Variants in RGS6 observed in about 807,000 individuals in gnomAD.
RGS6 encodes the protein regulator of G protein signaling 6.
Under a neutral mutation model 78.5 loss-of-function variants are expected in RGS6, and 30 were observed. The ratio of observed to expected loss-of-function variants is 0.38; its 90% CI spans 0.29 to 0.52. RGS6 has a LOEUF of 0.52. RGS6 is among the 20% of genes least tolerant of loss of function. RGS6 has a pLI of 0.85. For missense variants in RGS6, 495 were observed against 609.7 expected (o/e 0.81, Z 1.98); for synonymous variants, 206 against 206.0 (o/e 1.00, Z 0.00).
intron 2 of RGS6, among the ~76,000 whole-genome samples, chr14:71,972,518 A>G (rs1446992140): frequency 6.6e-6 from 1 of 152,188 alleles, no homozygotes; most frequent in Non-Finnish European, 1.5e-5. Flanking sequence ...GTTTCTTGAT[A>G]AGGGAATTCT....
chr14:72,439,461 T>G (rs2095091859), intron 3 of RGS6, among the ~76,000 whole-genome samples: 1 of 152,246 alleles, frequency 6.6e-6, no homozygotes, highest in Admixed American at 6.5e-5. Flanking sequence ...TAGATCTCTT[T>G]GTAGATGCAA....
chr14:71,949,991 C>T (rs2092117128), intron 1 of RGS6, among the ~76,000 whole-genome samples: 1 of 152,222 alleles, frequency 6.6e-6, no homozygotes, highest in South Asian at 2.1e-4. Flanking sequence ...TGTGGTCTGT[C>T]TCTGTGTTTT....
At chr14:72,408,257 G>A (rs1211080790) in intron 3 of RGS6, among the ~76,000 whole-genome samples, 1 of 152,124 alleles carries the variant, frequency 6.6e-6, no homozygotes, top group East Asian at 1.9e-4. Context: ...ACAGACCCCT[G>A]GTGGTTCTCA....
intron 3 of RGS6, among the ~76,000 whole-genome samples, chr14:72,451,185 G>T (rs868542413): frequency 6.6e-6 from 1 of 152,206 alleles, no homozygotes; most frequent in African/African-American, 2.4e-5. Context: ...GCAGCCAGGG[G>T]CAGCCGCTCA....
chr14:72,186,418 T>G (rs1194028788), intron 2 of RGS6, among the ~76,000 whole-genome samples: 1 of 152,236 alleles, frequency 6.6e-6, no homozygotes, highest in East Asian at 1.9e-4. Context: ...TCTGAGGCTT[T>G]GATGTGTTTA....
intron 15 of RGS6, among the ~76,000 whole-genome samples, chr14:72,533,904 C>G (rs1330863182): frequency 6.6e-6 from 1 of 152,188 alleles, no homozygotes; most frequent in Non-Finnish European, 1.5e-5. Context: ...ATGTTGCAAA[C>G]ATTGTTGAGA....
At chr14:72,137,579 A>G (rs546589340) in intron 2 of RGS6, among the ~76,000 whole-genome samples, 8 of 152,366 alleles carry the variant, frequency 5.3e-5, no homozygotes, top group Non-Finnish European at 8.8e-5. Context: ...TTAATTTGCT[A>G]GAGTGGCTCA....
intron 16 of RGS6, among the ~76,000 whole-genome samples, chr14:72,537,172 C>T (rs928042529): frequency 1.3e-5 from 2 of 152,184 alleles, no homozygotes; most frequent in African/African-American, 4.8e-5. Flanking sequence ...AACCCTATGA[C>T]TTCTGTGCCA....
At chr14:72,122,114 G>A (rs1171194097) in intron 2 of RGS6, among the ~76,000 whole-genome samples, 1 of 152,138 alleles carries the variant, frequency 6.6e-6, no homozygotes, top group Non-Finnish European at 1.5e-5. Flanking sequence ...GAAGATAATA[G>A]ATCAACCACA....
At chr14:72,608,013 C>T in the RGS6 span, among the ~76,000 whole-genome samples, 1 of 152,230 alleles carries the variant, frequency 6.6e-6, no homozygotes. Flanking sequence ...CACTGCCATG[C>T]CCACCTGTGT....
the RGS6 span, among the ~76,000 whole-genome samples, chr14:72,607,586 C>T: frequency 6.6e-6 from 1 of 152,176 alleles, no homozygotes; most frequent in Non-Finnish European, 1.5e-5. Context: ...GATGCAATGC[C>T]GGGTTCCCTG....
At chr14:72,490,137 A>C (rs2096558601) in intron 12 of RGS6, among the ~76,000 whole-genome samples, 1 of 152,046 alleles carries the variant, frequency 6.6e-6, no homozygotes, top group Admixed American at 6.5e-5. Context: ...TGTGAGAGGG[A>C]CCCAGTGAGA....
intron 2 of RGS6, among the ~76,000 whole-genome samples, chr14:72,273,751 A>G (rs1316289907): frequency 6.6e-6 from 1 of 152,184 alleles, no homozygotes; most frequent in Admixed American, 6.5e-5. Context: ...CTCAAGAAAG[A>G]TCTTTGGGTG....
chr14:72,327,860 C>T (rs1198448522), intron 2 of RGS6, among the ~76,000 whole-genome samples: 1 of 151,938 alleles, frequency 6.6e-6, no homozygotes, highest in Non-Finnish European at 1.5e-5. Flanking sequence ...ATTAGGTTCT[C>T]CAGAGAAACA....
At chr14:71,923,376 G>A in the RGS6 span, among the ~76,000 whole-genome samples, 1 of 152,266 alleles carries the variant, frequency 6.6e-6, no homozygotes, top group South Asian at 2.1e-4. Flanking sequence ...TCTAGGGGTA[G>A]GGCATGTCAG....
chr14:72,469,452 C>G (rs2153297775), intron 7 of RGS6: 1 of 152,470 alleles, frequency 6.6e-6, no homozygotes, highest in African/African-American at 2.4e-5. Context: ...GGTGATCCAC[C>G]TGCCTTGGCC....
intron 2 of RGS6, among the ~76,000 whole-genome samples, chr14:72,162,645 G>T (rs2096868486): frequency 6.6e-6 from 1 of 152,090 alleles, no homozygotes; most frequent in South Asian, 2.1e-4. Flanking sequence ...TAACTACTGG[G>T]TATCTACCGA....
At chr14:72,023,739 C>T (rs1162803817) in intron 2 of RGS6, among the ~76,000 whole-genome samples, 2 of 152,142 alleles carry the variant, frequency 1.3e-5, no homozygotes, top group African/African-American at 2.4e-5. Flanking sequence ...GAAAATTGAA[C>T]AGAACATTTC....
chr14:72,281,472 A>G (rs1251024528), intron 2 of RGS6, among the ~76,000 whole-genome samples: 1 of 152,198 alleles, frequency 6.6e-6, no homozygotes, highest in Non-Finnish European at 1.5e-5. Context: ...TTAAGGCAAG[A>G]GAAACCACTG....
Sources: gnomAD v4.1 joint callset for allele counts (sites outside exome capture counted in the v4.1 genomes callset) on GRCh38, gnomAD v4.1.1 for gene constraint, MANE v1.5 for transcripts, NCBI Gene and HGNC (gene_info 2026-07-23, HGNC 2026-07-21) for gene names.